Variants in GRM3 observed in about 807,000 individuals in gnomAD.
GRM3 encodes the protein metabotropic glutamate receptor 3.
A neutral mutation model predicts 70.5 loss-of-function variants in GRM3; 26 were observed. That is an observed-to-expected ratio of 0.37 (90% CI 0.27 to 0.51). GRM3 has a LOEUF of 0.51. GRM3 is among the 20% of genes least tolerant of loss of function. GRM3 has a pLI of 0.93. For missense variants in GRM3, 859 were observed against 1,123.8 expected, an observed-to-expected ratio of 0.76 and a Z score of 3.37; for synonymous variants, 443 against 434.9, an observed-to-expected ratio of 1.02 and a Z score of -0.23.
intron 1 of GRM3, among the ~76,000 whole-genome samples, chr7:86,746,341 T>TTTTTTTTATATATATATATA (rs1388333232): frequency 1.1e-5 from 1 of 87,486 alleles, no homozygotes; most frequent in African/African-American, 5.9e-5. Context: ...CAGTCATGTA[T>TTTTTTTTATATATATATATA]TATATATATA....
chr7:86,826,528 G>A (rs551758297), intron 3 of GRM3, among the ~76,000 whole-genome samples: 11 of 152,088 alleles, frequency 7.2e-5, no homozygotes, highest in South Asian at 4.1e-4. Flanking sequence ...GCTGATGAAC[G>A]GGGAAAGGAG....
chr7:86,732,245 C>T (rs1040594131), intron 1 of GRM3, among the ~76,000 whole-genome samples: 19 of 151,984 alleles, frequency 1.3e-4, no homozygotes, highest in South Asian at 6.2e-4. Context: ...AGTTAGCAGA[C>T]GAGAAAAAAA....
intron 3 of GRM3, among the ~76,000 whole-genome samples, chr7:86,791,627 A>G (rs1189280955): frequency 6.6e-6 from 1 of 152,230 alleles, no homozygotes; most frequent in Non-Finnish European, 1.5e-5. Flanking sequence ...CATGTGCACG[A>G]GGACTCTGGG....
chr7:86,659,900 T>C (rs1275421855), intron 1 of GRM3, among the ~76,000 whole-genome samples: 1 of 151,996 alleles, frequency 6.6e-6, no homozygotes, highest in African/African-American at 2.4e-5. Context: ...AGGGTGAATT[T>C]GAAGCAAAAA....
chr7:86,852,898 G>A (rs1168063319), intron 5 of GRM3, among the ~76,000 whole-genome samples: 1 of 152,122 alleles, frequency 6.6e-6, no homozygotes, highest in Non-Finnish European at 1.5e-5. Flanking sequence ...GATATACAGT[G>A]ATACAAGAGT....
At chr7:86,652,489 C>T (rs1228155476) in intron 1 of GRM3, among the ~76,000 whole-genome samples, 1 of 152,078 alleles carries the variant, frequency 6.6e-6, no homozygotes, top group Non-Finnish European at 1.5e-5. Flanking sequence ...CGCCACCACG[C>T]CCAACTAATT....
chr7:86,791,433 A>G (rs1418867647), intron 3 of GRM3, among the ~76,000 whole-genome samples: 1 of 152,214 alleles, frequency 6.6e-6, no homozygotes, highest in Non-Finnish European at 1.5e-5. Flanking sequence ...TTCATTTGAG[A>G]TAAATGTAAC....
intron 1 of GRM3, among the ~76,000 whole-genome samples, chr7:86,689,568 C>T (rs763342558): frequency 3.3e-5 from 5 of 152,044 alleles, no homozygotes; most frequent in Non-Finnish European, 7.4e-5. Flanking sequence ...GCTGAAGCAG[C>T]ATAATGTTAA....
At chr7:86,779,411 T>A (rs1189011976) in intron 2 of GRM3, among the ~76,000 whole-genome samples, 1 of 152,080 alleles carries the variant, frequency 6.6e-6, no homozygotes, top group Non-Finnish European at 1.5e-5. Context: ...TGTGTGCATG[T>A]GCACACGTGC....
At chr7:86,745,879 T>G (rs1409899929) in intron 1 of GRM3, among the ~76,000 whole-genome samples, 1 of 152,092 alleles carries the variant, frequency 6.6e-6, no homozygotes, top group Non-Finnish European at 1.5e-5. Flanking sequence ...AAGACAGATG[T>G]AGTCTCATTC....
chr7:86,846,053 A>AAGGTT (rs1798649679), intron 4 of GRM3, among the ~76,000 whole-genome samples: 1 of 152,044 alleles, frequency 6.6e-6, no homozygotes. Flanking sequence ...TTTTAACATA[A>AAGGTT]GGGTTGGGGA....
At chr7:86,794,247 T>C (rs889084191) in intron 3 of GRM3, among the ~76,000 whole-genome samples, 1 of 152,168 alleles carries the variant, frequency 6.6e-6, no homozygotes, top group African/African-American at 2.4e-5. Context: ...CTGTATACCT[T>C]TATGCTATTA....
chr7:86,684,933 T>C (rs1213378046), intron 1 of GRM3, among the ~76,000 whole-genome samples: 1 of 152,194 alleles, frequency 6.6e-6, no homozygotes, highest in Non-Finnish European at 1.5e-5. Context: ...AGAGAGATGG[T>C]ATGAGGATTA....
intron 1 of GRM3, among the ~76,000 whole-genome samples, chr7:86,686,829 AT>A (rs1794580200): frequency 6.6e-6 from 1 of 152,070 alleles, no homozygotes; most frequent in Non-Finnish European, 1.5e-5. Flanking sequence ...TATTAAAATT[AT>A]AAAATATATT....
At position 86,666,715 on chromosome 7, in the gene GRM3, C is replaced by G. The variant is rs903682677; in HGVS notation, c.-141+21843C>G. Among the ~76,000 whole-genome samples, 3 of 151,878 alleles carry G rather than the reference C, an allele frequency of 2.0e-5. No individual in the cohort carries two copies. The East Asian group carries it at 5.8e-4, about 29-fold the overall frequency. On this transcript the variant is annotated intron_variant, in intron 1 of 5. Transcript: ENST00000361669. ...AAATTGACTTGTTTATGAAGCACAT[C>G]TTACTAAAAAGATAGATTGAGGCAC...
intron 3 of GRM3, among the ~76,000 whole-genome samples, chr7:86,804,618 C>T (rs1392827994): frequency 1.3e-5 from 2 of 152,116 alleles, no homozygotes; most frequent in African/African-American, 2.4e-5. Flanking sequence ...ACCATGTTGG[C>T]CAGGCTGGTC....
In GRM3 at chr7:86,801,477, G is replaced by A. The variant is rs74522081; in HGVS notation, c.1324+14361G>A. On this transcript the variant is annotated intron_variant, in intron 3 of 5. Coordinates refer to ENST00000361669, the MANE Select transcript of GRM3 (RefSeq NM_000840.3). ...CTAGAGAATTTTCCTTTTTAATATGGAGGGGATTTGTGGGCAATGGTGACA... is the reference window on the plus strand; with the variant it reads ...CTAGAGAATTTTCCTTTTTAATATGAAGGGGATTTGTGGGCAATGGTGACA... Among the ~76,000 whole-genome samples the A allele has an allele frequency of 1.6e-3, 246 of 152,260 alleles. 1 individual carries two copies. Among genetic ancestry groups the A allele is most frequent in the African/African-American group, 5.6e-3 (233 of 41,536 alleles).
At chr7:86,666,314 CT>C (rs1166272910) in intron 1 of GRM3, among the ~76,000 whole-genome samples, 70 of 152,120 alleles carry the variant, frequency 4.6e-4, no homozygotes, top group African/African-American at 1.6e-3. Context: ...TGGAATGATA[CT>C]TCAAGAAGCC....
At chr7:86,697,152 G>A (rs1794836385) in intron 1 of GRM3, among the ~76,000 whole-genome samples, 2 of 152,102 alleles carry the variant, frequency 1.3e-5, no homozygotes, top group Non-Finnish European at 2.9e-5. Flanking sequence ...AAACAAATAG[G>A]GAGGGAATGG....
Sources: gnomAD v4.1 joint callset for allele counts (sites outside exome capture counted in the v4.1 genomes callset) on GRCh38, gnomAD v4.1.1 for gene constraint, MANE v1.5 for transcripts, NCBI Gene and HGNC (gene_info 2026-07-23, HGNC 2026-07-21) for gene names.